The following CACNA1E variants were observed in gnomAD, a reference collection of about 807,000 sequenced individuals.
The protein encoded by CACNA1E is voltage-dependent R-type calcium channel subunit alpha-1E.
CACNA1E carries 40 observed loss-of-function variants against 259.2 expected under a neutral mutation model. The observed-to-expected ratio is 0.15, with a 90% CI of 0.12 to 0.20. The LOEUF is 0.20. Among genes scored for constraint, CACNA1E ranks in the 10% least tolerant of loss-of-function variants. CACNA1E has a pLI of 1.00. For missense variants in CACNA1E, 1,874 were observed against 3,040.1 expected (o/e 0.62, Z 9.02); for synonymous variants, 1,104 against 1,138.5 (o/e 0.97, Z 0.61).
chr1:181,493,113 T>C (rs1339783033), intron 1 of CACNA1E, among the ~76,000 whole-genome samples: 1 of 152,228 alleles, frequency 6.6e-6, no homozygotes, highest in Non-Finnish European at 1.5e-5. Context: ...GTTGATGCTA[T>C]AGACCTGTCT....
chr1:181,357,488 C>T (rs1653540123), intron 1 of CACNA1E, among the ~76,000 whole-genome samples: 1 of 136,010 alleles, frequency 7.4e-6, no homozygotes, highest in Non-Finnish European at 1.6e-5. Flanking sequence ...TTGTAGTGAG[C>T]AGACTCCTGT....
In CACNA1E at chr1:181,771,207, T is replaced by G. The variant is rs561267319; in HGVS notation, c.4882-86T>G. On this transcript the variant is annotated intron_variant, in intron 35 of 47. Transcript: ENST00000367573. Reference sequence around the variant, plus strand: ...AGGGGTAGGTCATCGGGAAGAGCCATGCAAGTGGCTTTGCCAACCCTCATG... The same window carrying G: ...AGGGGTAGGTCATCGGGAAGAGCCAGGCAAGTGGCTTTGCCAACCCTCATG... 112 of 707,016 alleles carry G rather than the reference T, an allele frequency of 1.6e-4. No homozygotes were observed. In the African/African-American group the frequency reaches 1.8e-3, roughly 11 times the overall value. The allele number at this position is 707,016 out of a possible 1,614,324, so 43.8% of individuals were successfully genotyped here.
intron 1 of CACNA1E, among the ~76,000 whole-genome samples, chr1:181,508,392 G>T (rs1665897998): frequency 6.6e-6 from 1 of 152,202 alleles, no homozygotes; most frequent in African/African-American, 2.4e-5. Flanking sequence ...CGTGTTGCCA[G>T]TTCTCTTTCT....
intron 35 of CACNA1E, among the ~76,000 whole-genome samples, chr1:181,767,726 T>G (rs745599395): frequency 1.3e-5 from 2 of 152,246 alleles, no homozygotes; most frequent in Non-Finnish European, 2.9e-5. Context: ...TGTGTGAGAC[T>G]TGGTTGAGAA....
At chr1:181,682,686 CT>C (rs762198179) in intron 7 of CACNA1E, among the ~76,000 whole-genome samples, 1 of 152,184 alleles carries the variant, frequency 6.6e-6, no homozygotes, top group Non-Finnish European at 1.5e-5. Flanking sequence ...CCTCAAGAAA[CT>C]TACAATTGTG....
At position 181,726,050 on chromosome 1, in the gene CACNA1E, C is replaced by A. The variant is rs376705486; in HGVS notation, c.2143-15C>A. On this transcript the variant is annotated splice_polypyrimidine_tract_variant and intron_variant, in intron 17 of 47. Transcript: ENST00000367573. ...CTGGGGATCCCAGGCAAAGCCATCT[C>A]TGCTTTGTGTCTAGGATGAACAGGA... The A allele has an allele frequency of 5.6e-6, 9 of 1,594,226 alleles. No individual in the cohort carries two copies. Among genetic ancestry groups the A allele is most frequent in the Non-Finnish European group, 7.7e-6 (9 of 1,164,586 alleles).
chr1:181,712,898 G>A (rs1440084690), intron 8 of CACNA1E, among the ~76,000 whole-genome samples: 1 of 152,172 alleles, frequency 6.6e-6, no homozygotes, highest in South Asian at 2.1e-4. Context: ...TATGCTGCTC[G>A]CTGGGGCTCT....
chr1:181,553,124 A>G (rs377615570), intron 3 of CACNA1E, among the ~76,000 whole-genome samples: 3 of 152,342 alleles, frequency 2.0e-5, no homozygotes, highest in African/African-American at 7.2e-5. Context: ...GATTCTTCCT[A>G]TCCATGAAGA....
chr1:181,794,263 CAAG>C (rs1661590893), intron 45 of CACNA1E, among the ~76,000 whole-genome samples: 1 of 152,140 alleles, frequency 6.6e-6, no homozygotes, highest in African/African-American at 2.4e-5. Context: ...TTGACAGAGA[CAAG>C]AAGTTTTTGT....
chr1:181,735,211 C>G (rs947548680), intron 21 of CACNA1E, among the ~76,000 whole-genome samples: 2 of 152,222 alleles, frequency 1.3e-5, no homozygotes, highest in South Asian at 2.1e-4. Flanking sequence ...ACCCACAGCT[C>G]TTTTGGTGTT....
chr1:181,726,209 A>G lies in CACNA1E; in HGVS notation c.2240+47A>G, dbSNP rs780403432. 5 of 1,329,376 alleles carry G rather than the reference A, an allele frequency of 3.8e-6. No individual in the cohort carries two copies. In the African/African-American group the frequency reaches 5.8e-5, roughly 15 times the overall value. The allele number at this position is 1,329,376 out of a possible 1,614,324, so 82.3% of individuals were successfully genotyped here. ...CTGATCCCTGAGCTCCTGTGCTAAC[A>G]GCCAATTCATCAACTCACAGAACTA... On this transcript the variant is annotated intron_variant, in intron 18 of 47. Coordinates refer to ENST00000367573, the MANE Select transcript of CACNA1E (RefSeq NM_001205293.3).
intron 7 of CACNA1E, among the ~76,000 whole-genome samples, chr1:181,675,355 T>C (rs1649261196): frequency 6.6e-6 from 1 of 152,182 alleles, no homozygotes; most frequent in African/African-American, 2.4e-5. Context: ...ACAGGGGTAA[T>C]TTCACGTACC....
intron 7 of CACNA1E, among the ~76,000 whole-genome samples, chr1:181,665,931 C>T (rs1648179540): frequency 6.6e-6 from 1 of 152,090 alleles, no homozygotes; most frequent in Non-Finnish European, 1.5e-5. Context: ...TTCCTCATCA[C>T]TAAACACACT....
chr1:181,391,416 A>T (rs1397997433), intron 1 of CACNA1E, among the ~76,000 whole-genome samples: 1 of 152,208 alleles, frequency 6.6e-6, no homozygotes, highest in Non-Finnish European at 1.5e-5. Context: ...GATGGAAGGC[A>T]ACCCAGGGCA....
In CACNA1E at chr1:181,793,758, G is replaced by A; in HGVS notation, c.5992G>A (p.Ala1998Thr). The A allele has an allele frequency of 1.9e-6, 3 of 1,611,674 alleles. No individual in the cohort carries two copies. Among genetic ancestry groups the A allele is most frequent in the Non-Finnish European group, 2.5e-6 (3 of 1,179,396 alleles). The change falls in exon 45 of 48, where the codon GCA (alanine) becomes ACA (threonine). Residue 1998 changes from alanine to threonine, a missense_variant. Physicochemically the swap from Ala to Thr is moderately conservative, Grantham distance 58 (BLOSUM62 0). This residue lies in a region of CACNA1E where 542 missense variants were observed against 587.2 expected (regional missense o/e 0.92). Coordinates refer to ENST00000367573, the MANE Select transcript of CACNA1E (RefSeq NM_001205293.3). The part of the protein sequence containing the change: ...DTQEHAGSGR[A>T]SSMPRLTVDP... ...CCAGGAGCATGCGGGATCTGGGAGG[G>A]CATCTTCTATGCCACGTCTGACTGT... is the stretch of plus-strand genomic sequence containing the variant.
intron 46 of CACNA1E, among the ~76,000 whole-genome samples, chr1:181,795,743 A>ATTTCT (rs1661738033): frequency 8.0e-6 from 1 of 124,486 alleles, no homozygotes; most frequent in Non-Finnish European, 1.8e-5. Flanking sequence ...CCTGGCCTGA[A>ATTTCT]TTTCTTTTAA....
chr1:181,480,479 G>A (rs2102450170), upstream of CACNA1E, among the ~76,000 whole-genome samples: 1 of 152,334 alleles, frequency 6.6e-6, no homozygotes, highest in African/African-American at 2.4e-5. Flanking sequence ...CAACTCCAGT[G>A]TGTCGTCGCA....
chr1:181,757,491 A>G (rs1363090290), intron 30 of CACNA1E, among the ~76,000 whole-genome samples: 1 of 152,238 alleles, frequency 6.6e-6, no homozygotes, highest in Non-Finnish European at 1.5e-5. Context: ...AGCAACAAGC[A>G]TAGTTCTGGC....
chr1:181,703,512 T>TC (rs1652481721), intron 7 of CACNA1E, among the ~76,000 whole-genome samples: 1 of 152,188 alleles, frequency 6.6e-6, no homozygotes, highest in Non-Finnish European at 1.5e-5. Context: ...ACAGGAAACA[T>TC]ATTCCAGTTC....
Sources: allele counts gnomAD v4.1 joint callset (sites outside exome capture counted in the v4.1 genomes callset), GRCh38; gene constraint gnomAD v4.1.1; regional missense constraint gnomAD v4.1.1; transcripts MANE v1.5; gene names NCBI Gene and HGNC (gene_info 2026-07-23, HGNC 2026-07-21).